The following SRRM3 variants were observed in gnomAD, a reference collection of about 807,000 sequenced individuals.
SRRM3 encodes serine/arginine repetitive matrix protein 3.
SRRM3 carries 27 observed loss-of-function variants against 66.2 expected under a neutral mutation model. The observed-to-expected ratio is 0.41, with a 90% confidence interval of 0.30 to 0.56. The LOEUF (loss-of-function observed/expected upper bound fraction) is 0.56. SRRM3 is among the 20% of genes least tolerant of loss of function. SRRM3 has a pLI of 0.32. For synonymous variants in SRRM3, 391 were observed against 414.9 expected (o/e 0.94, Z 0.70); for missense variants, 918 against 991.9 (o/e 0.93, Z 1.00).
Position 76,215,894 on chromosome 7 carries a change from T to C in SRRM3, c.-40+13827T>C, listed in dbSNP as rs528740280. 2.0e-4 allele frequency among the ~76,000 whole-genome samples: 29 copies of C among 146,340 alleles called. No homozygotes were observed. In the South Asian group the frequency reaches 6.4e-3, roughly 32 times the overall value. On this transcript the variant is annotated intron_variant, in intron 1 of 14. Transcript: ENST00000611745. The stretch of plus-strand genomic sequence containing the variant: ...CTCACTGCAAGCTCCGCCTCCCGGG[T>C]TCATGCCAGTCTCCTGCCTCAGCCT...
intron 1 of SRRM3, among the ~76,000 whole-genome samples, chr7:76,210,836 A>G (rs1800414581): frequency 6.6e-6 from 1 of 151,448 alleles, no homozygotes; most frequent in South Asian, 2.1e-4. Flanking sequence ...GGAGTCTCAC[A>G]CTGTTGCCCA....
chr7:76,267,205 C>T, intron 10 of SRRM3, 53 bp from the exon 11 acceptor site: 1 of 1,435,564 alleles, frequency 7.0e-7, no homozygotes, highest in East Asian at 2.9e-5. Context: ...CAACTGCTTG[C>T]AAAGCGGGTG....
rs782048092 is a variant in SRRM3, at chr7:76,260,057, G to A, written c.464+23G>A. The A allele has an allele frequency of 7.4e-6, 11 of 1,484,512 alleles. No individual in the cohort carries two copies. The Admixed American group carries it at 1.0e-4, about 14-fold the overall frequency. The allele number at this position is 1,484,512 out of a possible 1,614,324, so 92.0% of individuals were successfully genotyped here. On this transcript the variant is annotated intron_variant, in intron 4 of 14. Coordinates refer to ENST00000611745, the MANE Select transcript of SRRM3 (RefSeq NM_001110199.3). ...CAGGTCAGCGGCCGCCGCGGCGGGG[G>A]TGGGGGGCGCGCGGGGCTGCCCCCC...
chr7:76,251,358 C>T (rs150800707), intron 3 of SRRM3, among the ~76,000 whole-genome samples: 239 of 152,166 alleles, frequency 1.6e-3, no homozygotes, highest in African/African-American at 5.4e-3. Context: ...GTGGATCACA[C>T]CTGTAATCCC....
At chr7:76,212,162 CTTT>C (rs57681676) in intron 1 of SRRM3, among the ~76,000 whole-genome samples, 2 of 101,014 alleles carry the variant, frequency 2.0e-5, no homozygotes, top group African/African-American at 4.1e-5. Flanking sequence ...CTGAGGTCTG[CTTT>C]TTTTTTTTTT....
intron 2 of SRRM3, among the ~76,000 whole-genome samples, chr7:76,235,905 C>T (rs1232489654): frequency 2.0e-5 from 3 of 147,634 alleles, no homozygotes; most frequent in African/African-American, 7.6e-5. Context: ...ACTCGGGAAG[C>T]TGAGGCAGGA....
intron 11 of SRRM3, among the ~76,000 whole-genome samples, chr7:76,274,520 C>A (rs1016146053): frequency 5.9e-5 from 9 of 152,220 alleles, no homozygotes; most frequent in African/African-American, 1.9e-4. Context: ...GTCCATGATC[C>A]AACTCAGACA....
chr7:76,284,491 T>G (rs1358622919), intron 14 of SRRM3, among the ~76,000 whole-genome samples: 1 of 152,092 alleles, frequency 6.6e-6, no homozygotes, highest in Admixed American at 6.5e-5. Flanking sequence ...TTGTCCTACT[T>G]CTAACGGATG....
intron 3 of SRRM3, among the ~76,000 whole-genome samples, chr7:76,257,535 G>A (rs1001608337): frequency 3.3e-5 from 5 of 151,452 alleles, no homozygotes; most frequent in African/African-American, 7.3e-5. Context: ...ATAATTTCTT[G>A]AGCAATCCTC....
At chr7:76,224,788 G>C (rs1800814212) in intron 1 of SRRM3, among the ~76,000 whole-genome samples, 1 of 152,090 alleles carries the variant, frequency 6.6e-6, no homozygotes. Flanking sequence ...CGATCAGCTA[G>C]GGAGACTCAC....
chr7:76,282,743 C>G lies in SRRM3; in HGVS notation c.1466C>G (p.Ser489Trp). The G allele has an allele frequency of 2.7e-6, 4 of 1,459,512 alleles. No individual in the cohort carries two copies. Among genetic ancestry groups the G allele is most frequent in the Non-Finnish European group, 3.6e-6 (4 of 1,111,624 alleles). The allele number at this position is 1,459,512 out of a possible 1,614,324, so 90.4% of individuals were successfully genotyped here. Residue 489 changes from serine (S) to tryptophan (W), a missense_variant, in exon 13 of 15, where the codon TCG (serine) becomes TGG (tryptophan). Physicochemically the swap from Ser to Trp is radical, Grantham distance 177. Coordinates refer to ENST00000611745, the MANE Select transcript of SRRM3 (RefSeq NM_001110199.3). Reference sequence around the variant, plus strand: ...GGCGGCCCAGAAGGGAAGAGCTCGTCGCGCAGCCCCGGCCCGCACCCCCGC... The same window carrying G: ...GGCGGCCCAGAAGGGAAGAGCTCGTGGCGCAGCCCCGGCCCGCACCCCCGC... ...RRGGPEGKSS[S>W]RSPGPHPRSW...
At chr7:76,282,062 C>G (rs1802531396) in intron 12 of SRRM3, among the ~76,000 whole-genome samples, 1 of 145,078 alleles carries the variant, frequency 6.9e-6, no homozygotes, top group Admixed American at 6.9e-5. Context: ...GGACCCCAAA[C>G]CCCTATGGAC....
At chr7:76,232,593 G>T (rs1801042476) in intron 1 of SRRM3, among the ~76,000 whole-genome samples, 1 of 151,976 alleles carries the variant, frequency 6.6e-6, no homozygotes, top group South Asian at 2.1e-4. Context: ...AGAGCTCTGG[G>T]AGGGTGACAC....
chr7:76,281,550 A>T lies in SRRM3; in HGVS notation c.1118A>T (p.Gln373Leu). ...AGCCCGCGCTCGGCGCCGTCGTCCC[A>T]AGGTCGCGGAGGCCGCGCGGCGGGC... ...SPSPRSAPSS[Q>L]GRGGRAAGGA... The change falls in exon 12 of 15, where the codon CAA becomes CTA. Residue 373 changes from glutamine to leucine, a missense_variant. Gln to Leu is a moderately radical substitution (Grantham distance 113). Transcript: ENST00000611745. The T allele has an allele frequency of 9.0e-7, 1 of 1,107,882 alleles. No homozygotes were observed. The highest frequency in any genetic ancestry group is 1.1e-6 in the Non-Finnish European group (1 of 908,846). The allele number at this position is 1,107,882 out of a possible 1,614,324, so 68.6% of individuals were successfully genotyped here. A position where few individuals can be genotyped will look rare whatever the true frequency, so the allele number is the denominator to read the frequency against.
chr7:76,235,971 A>T (rs1257689934), intron 2 of SRRM3, among the ~76,000 whole-genome samples: 2 of 131,124 alleles, frequency 1.5e-5, no homozygotes, highest in African/African-American at 6.1e-5. Context: ...CGGCCACTGC[A>T]CTCCAGCCTG....
intron 14 of SRRM3, 97 bp downstream of exon 14, chr7:76,283,198 C>T: frequency 7.8e-7 from 1 of 1,287,914 alleles, no homozygotes; most frequent in Non-Finnish European, 9.9e-7. Flanking sequence ...TCTGAGGATC[C>T]ACTGAACCTG....
chr7:76,245,508 C>T (rs1801416714), intron 2 of SRRM3, among the ~76,000 whole-genome samples: 1 of 152,096 alleles, frequency 6.6e-6, no homozygotes, highest in East Asian at 1.9e-4. Flanking sequence ...TGCTTTGATA[C>T]AGGCATGCAA....
chr7:76,238,828 T>TTG (rs1319208972), intron 2 of SRRM3, among the ~76,000 whole-genome samples: 3 of 151,812 alleles, frequency 2.0e-5, no homozygotes, highest in African/African-American at 7.3e-5. Context: ...ACCTGGCTAA[T>TTG]TTTTGTACTT....
chr7:76,263,875 G>GAAAA (rs1801942775), intron 8 of SRRM3, among the ~76,000 whole-genome samples: 1 of 26,760 alleles, frequency 3.7e-5, no homozygotes, highest in African/African-American at 1.4e-4. Flanking sequence ...TCTGTCTCAA[G>GAAAA]ACAAAAAAAA....
Sources: allele counts gnomAD v4.1 joint callset (sites outside exome capture counted in the v4.1 genomes callset), GRCh38; gene constraint gnomAD v4.1.1; transcripts MANE v1.5; gene names NCBI Gene and HGNC (gene_info 2026-07-23, HGNC 2026-07-21).